The following FRMPD2 variants were observed in gnomAD, a reference collection of about 807,000 sequenced individuals.
FRMPD2 encodes FERM and PDZ domain containing 2.
FRMPD2 carries 96 observed loss-of-function variants against 140.1 expected under a neutral mutation model. The observed-to-expected ratio is 0.69, with a 90% CI of 0.58 to 0.81. The LOEUF (loss-of-function observed/expected upper bound fraction) is 0.81, where lower values mean the gene tolerates loss of function less well. Ranked by LOEUF, FRMPD2 falls within the 40% of genes least tolerant of loss-of-function variation. The pLI, the probability that FRMPD2 is intolerant of heterozygous loss-of-function variation, is 0.00. For missense variants in FRMPD2, 1,240 were observed against 1,447.4 expected (o/e 0.86, Z 2.32); for synonymous variants, 449 against 547.6 (o/e 0.82, Z 2.52).
chr10:48,157,888 T>C (rs1837827413), intron 28 of FRMPD2, among the ~76,000 whole-genome samples: 1 of 145,168 alleles, frequency 6.9e-6, no homozygotes, highest in South Asian at 2.2e-4. Context: ...ATCTAGCCTA[T>C]TGCCCAGGCC....
intron 6 of FRMPD2, among the ~76,000 whole-genome samples, chr10:48,240,060 T>A (rs1158638123): frequency 6.6e-6 from 1 of 152,116 alleles, no homozygotes; most frequent in Non-Finnish European, 1.5e-5. Flanking sequence ...GAAAAAAAAA[T>A]CAAGTTTTTC....
At chr10:48,180,602 A>G (rs576507170) in intron 21 of FRMPD2, among the ~76,000 whole-genome samples, 248 of 152,038 alleles carry the variant, frequency 1.6e-3, no homozygotes, top group African/African-American at 5.3e-3. Flanking sequence ...GCCTTCTTCT[A>G]TGCGTTTTTC....
intron 21 of FRMPD2, 147 bp from the exon 22 acceptor site, chr10:48,178,298 T>C (rs1838461152): frequency 5.0e-6 from 3 of 596,526 alleles, no homozygotes; most frequent in Non-Finnish European, 9.3e-6. Context: ...TTTCCAGCTT[T>C]ATCAGGCCTT....
chr10:48,192,314 G>T (rs1838848431), intron 16 of FRMPD2, among the ~76,000 whole-genome samples: 2 of 152,170 alleles, frequency 1.3e-5, no homozygotes, highest in African/African-American at 4.8e-5. Flanking sequence ...AGGCTTGGTG[G>T]CTCATGCCTG....
chr10:48,162,894 G>A (rs1265214415), intron 28 of FRMPD2, among the ~76,000 whole-genome samples: 1 of 133,074 alleles, frequency 7.5e-6, no homozygotes, highest in Non-Finnish European at 1.6e-5. Flanking sequence ...ATTCAGCCTG[G>A]GCAACATAGT....
chr10:48,199,963 G>A (rs577328489), intron 15 of FRMPD2: 1 of 152,146 alleles, frequency 6.6e-6, no homozygotes, highest in South Asian at 2.1e-4. Context: ...TCTAGATAAT[G>A]GAGCTCTCCA....
At chr10:48,270,308 A>C (rs375809077) in intron 1 of FRMPD2, among the ~76,000 whole-genome samples, 1 of 152,120 alleles carries the variant, frequency 6.6e-6, no homozygotes, top group East Asian at 1.9e-4. Context: ...GACCTTACTT[A>C]TGTGTGGCCA....
intron 12 of FRMPD2, among the ~76,000 whole-genome samples, chr10:48,219,724 A>G (rs1233533341): frequency 1.3e-5 from 2 of 152,226 alleles, no homozygotes; most frequent in African/African-American, 4.8e-5. Flanking sequence ...ATTAATAGGC[A>G]TCTGAACATT....
In FRMPD2 at chr10:48,238,249, C is replaced by G. The variant is rs992964837; in HGVS notation, c.789-126G>C. 19 of 954,168 alleles carry G rather than the reference C, an allele frequency of 2.0e-5. No individual in the cohort carries two copies. The African/African-American group carries it at 2.5e-4, about 12-fold the overall frequency. The allele number at this position is 954,168 out of a possible 1,614,324, so 59.1% of individuals were successfully genotyped here. A position where few individuals can be genotyped will look rare whatever the true frequency, so the allele number is the denominator to read the frequency against. Reference sequence around the variant, plus strand: ...CACTGATGCATGTCACCTTCTCCCCCACCTATGGGGGAGTTATATCCATTT... The same window carrying G: ...CACTGATGCATGTCACCTTCTCCCCGACCTATGGGGGAGTTATATCCATTT... On this transcript the variant is annotated intron_variant, in intron 7 of 28. Coordinates refer to ENST00000374201, the MANE Select transcript of FRMPD2 (RefSeq NM_001018071.4).
chr10:48,185,900 C>G (rs1231899120), intron 17 of FRMPD2, among the ~76,000 whole-genome samples: 3 of 152,212 alleles, frequency 2.0e-5, no homozygotes, highest in African/African-American at 7.2e-5. Flanking sequence ...GAGGCAAGAA[C>G]AGGATGGGCT....
chr10:48,273,584 C>T (rs552118517), intron 1 of FRMPD2, among the ~76,000 whole-genome samples: 1 of 152,272 alleles, frequency 6.6e-6, no homozygotes, highest in Non-Finnish European at 1.5e-5. Flanking sequence ...GCATTAAAGC[C>T]ATGCTCAAGC....
intron 12 of FRMPD2, among the ~76,000 whole-genome samples, chr10:48,217,626 G>T (rs992140822): frequency 6.6e-6 from 1 of 152,214 alleles, no homozygotes; most frequent in Non-Finnish European, 1.5e-5. Flanking sequence ...CTTATTTCCT[G>T]AGGTTTTTGC....
chr10:48,270,665 C>T (rs1278875152), intron 1 of FRMPD2, among the ~76,000 whole-genome samples: 1 of 152,048 alleles, frequency 6.6e-6, no homozygotes, highest in Admixed American at 6.6e-5. Context: ...CTTTAGACAA[C>T]CCCCTTAGAT....
At chr10:48,244,726 C>G in intron 4 of FRMPD2, 58 bp downstream of exon 4, 1 of 1,338,434 alleles carries the variant, frequency 7.5e-7, no homozygotes, top group South Asian at 1.2e-5. Flanking sequence ...CAGGAGAAAA[C>G]CACTAAATAA....
intron 21 of FRMPD2, among the ~76,000 whole-genome samples, chr10:48,180,147 C>T (rs1344560686): frequency 2.6e-5 from 4 of 152,104 alleles, no homozygotes; most frequent in Non-Finnish European, 4.4e-5. Flanking sequence ...CCCACAACTG[C>T]GGGCTCCTGC....
At chr10:48,206,713 A>C (rs1243020482) in intron 14 of FRMPD2, 35 bp downstream of exon 14, 1 of 1,565,420 alleles carries the variant, frequency 6.4e-7, no homozygotes, top group African/African-American at 1.4e-5. Context: ...AAGGAAAATG[A>C]AGTGCAGGTT....
chr10:48,241,487 G>T (rs528911166), intron 5 of FRMPD2, among the ~76,000 whole-genome samples: 29 of 152,336 alleles, frequency 1.9e-4, no homozygotes, highest in African/African-American at 6.3e-4. Flanking sequence ...CAGGGGGCCA[G>T]GCTGGGCCTG....
At chr10:48,160,381 G>C (rs1837903994) in intron 28 of FRMPD2, among the ~76,000 whole-genome samples, 1 of 151,292 alleles carries the variant, frequency 6.6e-6, no homozygotes, top group African/African-American at 2.4e-5. Context: ...CCTGGCAGAT[G>C]GTAAGTTCCG....
At chr10:48,199,314 T>C (rs1839026546) in intron 15 of FRMPD2, among the ~76,000 whole-genome samples, 1 of 150,380 alleles carries the variant, frequency 6.6e-6, no homozygotes, top group African/African-American at 2.4e-5. Flanking sequence ...TACCTTAAAT[T>C]TTTAAGATAT....
Sources: allele counts gnomAD v4.1 joint callset (sites outside exome capture counted in the v4.1 genomes callset), GRCh38; gene constraint gnomAD v4.1.1; transcripts MANE v1.5; gene names NCBI Gene and HGNC (gene_info 2026-07-23, HGNC 2026-07-21).